Variants in PCDHA3 observed in about 807,000 individuals in gnomAD.
PCDHA3 encodes protocadherin alpha 3.
Under a neutral mutation model 62.2 loss-of-function variants are expected in PCDHA3, and 41 were observed. The ratio of observed to expected loss-of-function variants is 0.66; its 90% confidence interval spans 0.51 to 0.86. The LOEUF (loss-of-function observed/expected upper bound fraction) is 0.86. PCDHA3 is among the 40% of genes least tolerant of loss of function. The probability of loss-of-function intolerance (pLI) is 0.00; values close to 1 mark genes in which losing one functional copy is unlikely to be tolerated. For missense variants in PCDHA3, 1,304 were observed against 1,241.2 expected (o/e 1.05, Z -0.76); for synonymous variants, 640 against 555.4 (o/e 1.15, Z -2.14).
At chr5:140,984,973 T>C (rs1397062066) in intron 3 of PCDHA3, among the ~76,000 whole-genome samples, 1 of 152,150 alleles carries the variant, frequency 6.6e-6, no homozygotes, top group Non-Finnish European at 1.5e-5. Context: ...AGTCTCGCTC[T>C]GTCCCCCAGG....
intron 1 of PCDHA3, among the ~76,000 whole-genome samples, chr5:140,900,528 C>T (rs1261076566): frequency 2.6e-5 from 4 of 152,214 alleles, no homozygotes; most frequent in South Asian, 4.1e-4. Flanking sequence ...CTGCCCACCT[C>T]GGCTTTCCAA....
chr5:140,909,690 G>T (rs2074638063), intron 1 of PCDHA3, among the ~76,000 whole-genome samples: 1 of 152,280 alleles, frequency 6.6e-6, no homozygotes, highest in African/African-American at 2.4e-5. Context: ...CAATGTGGGG[G>T]TTCTGCTAGC....
chr5:140,894,821 C>A (rs1303468240), intron 1 of PCDHA3, among the ~76,000 whole-genome samples: 1 of 151,806 alleles, frequency 6.6e-6, no homozygotes, highest in African/African-American at 2.4e-5. Flanking sequence ...TCAGATTTGC[C>A]CATAATCCTT....
In PCDHA3 at chr5:141,010,350, G is replaced by A; in HGVS notation, c.*413G>A. The A allele has an allele frequency of 6.6e-7, 1 of 1,515,722 alleles. No individual in the cohort carries two copies. Among genetic ancestry groups the A allele is most frequent in the Non-Finnish European group, 8.8e-7 (1 of 1,132,152 alleles). The allele number at this position is 1,515,722 out of a possible 1,614,324, so 93.9% of individuals were successfully genotyped here. A position where few individuals can be genotyped will look rare whatever the true frequency, so the allele number is the denominator to read the frequency against. ...GGGAGTTTGTGGCCACTGGGTATGT[G>A]TGGCTACCGCGGGTATGCGAGTGCC... is the stretch of plus-strand genomic sequence containing the variant. On this transcript the variant is annotated 3_prime_UTR_variant, in exon 4 of 4. Transcript: ENST00000522353.
chr5:140,835,961 G>A (rs2150249175), intron 1 of PCDHA3: 1 of 1,613,162 alleles, frequency 6.2e-7, no homozygotes, highest in Admixed American at 1.7e-5. Context: ...TGGACCACGA[G>A]GAGCTGGAGC....
At chr5:140,966,755 C>A in intron 1 of PCDHA3, 1 of 1,434,520 alleles carries the variant, frequency 7.0e-7, no homozygotes, top group South Asian at 1.5e-5. Context: ...GCCTCCGCCG[C>A]GGCCAGTGGC....
chr5:140,978,037 A>G (rs1260035731), intron 1 of PCDHA3, among the ~76,000 whole-genome samples: 12 of 152,322 alleles, frequency 7.9e-5, no homozygotes, highest in African/African-American at 2.4e-4. Flanking sequence ...GATACAAGAC[A>G]GTGATGGTGA....
intron 1 of PCDHA3, chr5:140,815,490 TTA>T (rs1226346416): frequency 6.6e-6 from 1 of 151,982 alleles, no homozygotes; most frequent in East Asian, 1.9e-4. Flanking sequence ...TACCCAAATT[TTA>T]TGTTATTGAT....
intron 1 of PCDHA3, chr5:140,967,251 C>T: frequency 6.2e-7 from 1 of 1,613,408 alleles, no homozygotes; most frequent in Non-Finnish European, 8.5e-7. Context: ...GAATCGGTGG[C>T]GCCTGGAGCG....
intron 1 of PCDHA3, chr5:140,871,109 T>C: frequency 1.9e-6 from 3 of 1,613,236 alleles, no homozygotes; most frequent in Non-Finnish European, 2.5e-6. Context: ...GTGTCGTTGG[T>C]GGAGAGCGGA....
At chr5:140,810,918 C>A (rs1328218288) in intron 1 of PCDHA3, 3 of 152,014 alleles carry the variant, frequency 2.0e-5, no homozygotes, top group Non-Finnish European at 4.4e-5. Context: ...TCTTTTATTT[C>A]ATTGTTTACA....
intron 3 of PCDHA3, among the ~76,000 whole-genome samples, chr5:141,000,421 ATTTTTTT>A (rs34755515): frequency 5.7e-4 from 16 of 27,976 alleles, no homozygotes; most frequent in Non-Finnish European, 7.4e-4. Flanking sequence ...ATATATATAT[ATTTTTTT>A]TTTTTTTTTT....
intron 3 of PCDHA3, chr5:140,989,066 C>T (rs2097328502): frequency 6.6e-6 from 1 of 152,200 alleles, no homozygotes; most frequent in South Asian, 2.1e-4. Flanking sequence ...TGAGGCAATA[C>T]AGTCTGGCCT....
intron 3 of PCDHA3, among the ~76,000 whole-genome samples, chr5:141,001,710 G>A (rs1422821009): frequency 6.6e-6 from 1 of 152,208 alleles, no homozygotes; most frequent in Non-Finnish European, 1.5e-5. Flanking sequence ...AGGGGGCGGG[G>A]AAGGAGCTTG....
chr5:140,863,449 A>G (rs1166397854), intron 1 of PCDHA3: 4 of 570,946 alleles, frequency 7.0e-6, no homozygotes, highest in Admixed American at 4.2e-5. Flanking sequence ...TACTCGCAGC[A>G]AAGGAGATTT....
At chr5:140,909,582 T>G (rs1407869706) in intron 1 of PCDHA3, among the ~76,000 whole-genome samples, 1 of 152,298 alleles carries the variant, frequency 6.6e-6, no homozygotes, top group Non-Finnish European at 1.5e-5. Flanking sequence ...TGTGATATGT[T>G]TTTTGATTTA....
At chr5:140,970,753 C>T (rs1282500516) in intron 1 of PCDHA3, among the ~76,000 whole-genome samples, 1 of 152,176 alleles carries the variant, frequency 6.6e-6, no homozygotes, top group Non-Finnish European at 1.5e-5. Context: ...AATATATTTT[C>T]ATTGACATAT....
At chr5:140,965,973 G>A (rs1234636252) in intron 1 of PCDHA3, among the ~76,000 whole-genome samples, 6 of 152,194 alleles carry the variant, frequency 3.9e-5, no homozygotes, top group African/African-American at 1.4e-4. Flanking sequence ...TGCCCTAGGA[G>A]TTGAGCACTT....
At chr5:140,888,551 T>G (rs2061873493) in intron 1 of PCDHA3, among the ~76,000 whole-genome samples, 1 of 152,240 alleles carries the variant, frequency 6.6e-6, no homozygotes, top group Admixed American at 6.5e-5. Flanking sequence ...TACCAATTTA[T>G]TCCTTTCAAG....
Sources: allele counts gnomAD v4.1 joint callset (sites outside exome capture counted in the v4.1 genomes callset), GRCh38; gene constraint gnomAD v4.1.1; transcripts MANE v1.5; gene names NCBI Gene and HGNC (gene_info 2026-07-23, HGNC 2026-07-21).